Variants in EDAR observed in about 807,000 individuals in gnomAD.
The protein encoded by EDAR is tumor necrosis factor receptor superfamily member EDAR.
A neutral mutation model predicts 51.3 loss-of-function variants in EDAR; 38 were observed. The observed-to-expected ratio is 0.74, with a 90% confidence interval of 0.57 to 0.97. The LOEUF (loss-of-function observed/expected upper bound fraction) is 0.97. Ranked by LOEUF, EDAR falls within the 50% of genes least tolerant of loss-of-function variation. The pLI, the probability that EDAR is intolerant of heterozygous loss-of-function variation, is 0.00. For synonymous variants in EDAR, 227 were observed against 242.1 expected (o/e 0.94, Z 0.58); for missense variants, 528 against 595.0 (o/e 0.89, Z 1.17).
intron 1 of EDAR, among the ~76,000 whole-genome samples, chr2:108,987,281 G>A (rs548280722): frequency 2.0e-3 from 302 of 152,366 alleles, no homozygotes; most frequent in African/African-American, 6.9e-3. Flanking sequence ...GCTTCCATCT[G>A]TGGGCCTATG....
At chr2:108,944,913 C>T (rs1291021276) in intron 1 of EDAR, among the ~76,000 whole-genome samples, 4 of 152,146 alleles carry the variant, frequency 2.6e-5, no homozygotes, top group African/African-American at 9.7e-5. Flanking sequence ...TGCTTTGAGC[C>T]CTTTGACATG....
intron 1 of EDAR, among the ~76,000 whole-genome samples, chr2:108,949,397 G>A (rs1015706490): frequency 4.6e-5 from 7 of 152,214 alleles, no homozygotes; most frequent in Non-Finnish European, 1.0e-4. Flanking sequence ...TCAGTCAGTG[G>A]GAAGATACGG....
intron 1 of EDAR, among the ~76,000 whole-genome samples, chr2:108,979,758 G>A (rs1348452587): frequency 1.3e-5 from 2 of 152,140 alleles, no homozygotes; most frequent in Non-Finnish European, 2.9e-5. Flanking sequence ...GAGCCACTGA[G>A]GCGCATGTCA....
chr2:108,961,384 C>A (rs1169142889), intron 1 of EDAR, among the ~76,000 whole-genome samples: 1 of 152,140 alleles, frequency 6.6e-6, no homozygotes, highest in Non-Finnish European at 1.5e-5. Context: ...TCTGGCACAC[C>A]CACCACCAGT....
In EDAR at chr2:108,942,340, T is replaced by C. The variant is rs112536317; in HGVS notation, c.-18-11308A>G. Among the ~76,000 whole-genome samples the C allele has an allele frequency of 1.3e-5, 2 of 152,138 alleles. 1 individual carries two copies. Among genetic ancestry groups the C allele is most frequent in the South Asian group, 4.1e-4 (2 of 4,822 alleles). On this transcript the variant is annotated intron_variant, in intron 1 of 11. Coordinates refer to ENST00000258443, the MANE Select transcript of EDAR (RefSeq NM_022336.4). ...AACTTTCGACACTTCTACACAGCTT[T>C]GGGAACAGAGGTCTGGGAGCCAAGA...
rs1387734516 is a variant in EDAR at position 108,897,232 on chromosome 2, A to G, written c.1025-3T>C. On this transcript the variant is annotated splice_region_variant and splice_polypyrimidine_tract_variant and intron_variant, in intron 11 of 11. Coordinates refer to ENST00000258443, the MANE Select transcript of EDAR (RefSeq NM_022336.4). ...TGGCAGCTCCGTGGGGCTAAGACCT[A>G]CAGACACCAATGGCCACAGTTAGAT... 3 of 1,613,510 alleles carry G rather than the reference A, an allele frequency of 1.9e-6. No homozygotes were observed. Among genetic ancestry groups the G allele is most frequent in the Non-Finnish European group, 2.5e-6 (3 of 1,179,842 alleles).
chr2:108,912,060 C>T (rs539964694), intron 6 of EDAR, among the ~76,000 whole-genome samples: 9 of 152,188 alleles, frequency 5.9e-5, no homozygotes, highest in Non-Finnish European at 8.8e-5. Context: ...GCGTGGGAGG[C>T]CCAGAGATGA....
At chr2:108,955,959 G>A (rs1481209521) in intron 1 of EDAR, among the ~76,000 whole-genome samples, 1 of 152,138 alleles carries the variant, frequency 6.6e-6, no homozygotes, top group African/African-American at 2.4e-5. Context: ...AACCCAGGAG[G>A]TGGAGCTTGC....
rs375795642 is a variant in EDAR at position 108,940,006 on chromosome 2, T to TA, written c.-18-8975dup. On this transcript the variant is annotated intron_variant, in intron 1 of 11. Coordinates refer to ENST00000258443, the MANE Select transcript of EDAR (RefSeq NM_022336.4). ...AAAAGCAAAACAAGAACGTAATCCT[T>TA]AATCATTGAAAGACACGCTACTAGA... Among the ~76,000 whole-genome samples, 237 of 152,316 alleles carry TA rather than the reference T, an allele frequency of 1.6e-3. 3 individuals carry two copies. Among genetic ancestry groups the TA allele is most frequent in the African/African-American group, 5.4e-3 (224 of 41,566 alleles).
rs80197028 is a variant in EDAR at position 108,969,483 on chromosome 2, A to G, written c.-19+19477T>C. ...CCATGCCAGGCCTCCAAAGGCATACAGGTCCTGGCCCCGAGGACTCAGTGA... is the reference window on the plus strand; with the variant it reads ...CCATGCCAGGCCTCCAAAGGCATACGGGTCCTGGCCCCGAGGACTCAGTGA... On this transcript the variant is annotated intron_variant, in intron 1 of 11. Coordinates refer to ENST00000258443, the MANE Select transcript of EDAR (RefSeq NM_022336.4). Among the ~76,000 whole-genome samples the G allele has an allele frequency of 7.3e-3, 1,110 of 152,370 alleles. 9 individuals carry two copies. The highest frequency in any genetic ancestry group is 0.028 in the South Asian group (136 of 4,828).
rs1222394195 is a variant in EDAR, at chr2:108,909,251, G to C, written c.803+1209C>G. Among the ~76,000 whole-genome samples the C allele has an allele frequency of 3.3e-5, 5 of 152,202 alleles. No individual in the cohort carries two copies. The East Asian group carries it at 7.7e-4, about 23-fold the overall frequency. ...ATAAGAAAAGCCTGAATATCAGAAG[G>C]GAGAGGCTGAGACAGAATGAGATAA... On this transcript the variant is annotated intron_variant, in intron 9 of 11. Coordinates refer to ENST00000258443, the MANE Select transcript of EDAR (RefSeq NM_022336.4).
Position 108,896,060 on chromosome 2 carries a change from AG to A in EDAR, c.*846del, listed in dbSNP as rs1245891334. The A allele has an allele frequency of 6.6e-6, 1 of 152,250 alleles. No individual in the cohort carries two copies. Among genetic ancestry groups the A allele is most frequent in the African/African-American group, 2.4e-5 (1 of 41,470 alleles). The allele number at this position is 152,250 out of a possible 1,614,324, so 9.4% of individuals were successfully genotyped here. A position where few individuals can be genotyped will look rare whatever the true frequency, so the allele number is the denominator to read the frequency against. ...AAAGGTCAAATCTGCCTAAGACTGA[AG>A]TGGAAGGCCATTCACATGTAGTGCA... On this transcript the variant is annotated 3_prime_UTR_variant, in exon 12 of 12. Transcript: ENST00000258443.
In EDAR at chr2:108,923,467, A is replaced by C. The variant is rs562313577; in HGVS notation, c.357-14T>G. Reference sequence around the variant, plus strand: ...AGCATGTAGTAGCTACGGGGGAGAGACAAGACAAAACAGAGACAGGTGAGC... The same window carrying C: ...AGCATGTAGTAGCTACGGGGGAGAGCCAAGACAAAACAGAGACAGGTGAGC... On this transcript the variant is annotated splice_polypyrimidine_tract_variant and intron_variant, in intron 4 of 11. Coordinates refer to ENST00000258443, the MANE Select transcript of EDAR (RefSeq NM_022336.4). The C allele has an allele frequency of 5.0e-6, 8 of 1,612,530 alleles. No homozygotes were observed. In the South Asian group the frequency reaches 8.8e-5, roughly 18 times the overall value.
chr2:108,947,640 C>T (rs1363640702), intron 1 of EDAR, among the ~76,000 whole-genome samples: 1 of 152,234 alleles, frequency 6.6e-6, no homozygotes, highest in Admixed American at 6.5e-5. Flanking sequence ...CTTGCACCCT[C>T]TGAAGCAATG....
intron 2 of EDAR, 144 bp downstream of exon 2, chr2:108,930,820 C>A: frequency 1.1e-6 from 1 of 901,130 alleles, no homozygotes; most frequent in Non-Finnish European, 1.8e-6. Context: ...GCTTTGCAGG[C>A]CTGGTTTCAT....
In EDAR at chr2:108,973,251, G is replaced by A. The variant is rs917959823; in HGVS notation, c.-19+15709C>T. Among the ~76,000 whole-genome samples, 9 of 152,354 alleles carry A rather than the reference G, an allele frequency of 5.9e-5. No homozygotes were observed. In the East Asian group the frequency reaches 1.7e-3, roughly 29 times the overall value. ...GTTCTGCCTGCTTCGGCCTCCCAAA[G>A]TTCTGGGATTACAGGCATGAGCCAC... On this transcript the variant is annotated intron_variant, in intron 1 of 11. Coordinates refer to ENST00000258443, the MANE Select transcript of EDAR (RefSeq NM_022336.4).
intron 1 of EDAR, among the ~76,000 whole-genome samples, chr2:108,966,141 C>G (rs531711929): frequency 6.6e-6 from 1 of 152,152 alleles, no homozygotes; most frequent in Admixed American, 6.5e-5. Flanking sequence ...TTGATAAGAC[C>G]AACTTTGAAG....
rs370727293 is a variant in EDAR, at chr2:108,897,311, TAAA to T, written c.1025-85_1025-83del. On this transcript the variant is annotated intron_variant, in intron 11 of 11. Coordinates refer to ENST00000258443, the MANE Select transcript of EDAR (RefSeq NM_022336.4). ...ACACTGAAAAATTATTTAAATGAAA[TAAA>T]AATTATTTGAAAAAAATTTTTTTAA... 2.8e-4 allele frequency: 374 copies of T among 1,343,478 alleles called. No individual in the cohort carries two copies. The African/African-American group carries it at 4.5e-3, about 16-fold the overall frequency. The allele number at this position is 1,343,478 out of a possible 1,614,324, so 83.2% of individuals were successfully genotyped here. A position where few individuals can be genotyped will look rare whatever the true frequency, so the allele number is the denominator to read the frequency against.
intron 1 of EDAR, among the ~76,000 whole-genome samples, chr2:108,943,994 G>A (rs1246684653): frequency 1.3e-5 from 2 of 152,282 alleles, no homozygotes; most frequent in Non-Finnish European, 1.5e-5. Context: ...ATGTGGAAGT[G>A]TTTTGAATGT....
Sources: gnomAD v4.1 joint callset for allele counts (sites outside exome capture counted in the v4.1 genomes callset) on GRCh38, gnomAD v4.1.1 for gene constraint, MANE v1.5 for transcripts, NCBI Gene and HGNC (gene_info 2026-07-23, HGNC 2026-07-21) for gene names.